IK: variants seen among roughly 807,000 people sequenced by gnomAD.
IK encodes IK cytokine, also known as protein Red.
A neutral mutation model predicts 90.9 loss-of-function variants in IK; 47 were observed. The ratio of observed to expected loss-of-function variants is 0.52; its 90% CI spans 0.41 to 0.66. The LOEUF is 0.66. IK is among the 30% of genes least tolerant of loss of function. IK has a pLI of 0.00. For missense variants in IK, 385 were observed against 709.3 expected, an observed-to-expected ratio of 0.54 and a Z score of 5.19; for synonymous variants, 201 against 227.5, an observed-to-expected ratio of 0.88 and a Z score of 1.05.
intron 5 of IK, among the ~76,000 whole-genome samples, chr5:140,653,582 C>T (rs1336279586): frequency 1.4e-5 from 2 of 144,864 alleles, no homozygotes; most frequent in Non-Finnish European, 1.5e-5. Context: ...CGCACCTGGC[C>T]CCCCAACCCC....
At chr5:140,653,215 C>A in intron 5 of IK, 71 bp downstream of exon 5, 1 of 1,363,602 alleles carries the variant, frequency 7.3e-7, no homozygotes, top group Non-Finnish European at 1.0e-6. Context: ...GTGAACTCTT[C>A]CTCTTACTTT....
At position 140,653,250 on chromosome 5, in the gene IK, G is replaced by A. The variant is rs1757644969; in HGVS notation, c.404+106G>A. The A allele has an allele frequency of 4.4e-6, 4 of 903,458 alleles. No individual in the cohort carries two copies. The South Asian group carries it at 6.0e-5, about 14-fold the overall frequency. 56.0% of individuals were successfully genotyped at this position (903,458 alleles called of 1,614,324 possible). ...TCCTGCCCTGGAGCCTACAATAAGC[G>A]ATTTCAGAGGCATTTGCCACCCACA... On this transcript the variant is annotated intron_variant, in intron 5 of 19. Transcript: ENST00000417647.
At position 140,659,761 on chromosome 5, in the gene IK, G is replaced by T; in HGVS notation, c.1201G>T (p.Gly401Trp). The T allele has an allele frequency of 6.3e-7, 1 of 1,590,798 alleles. No individual in the cohort carries two copies. Among genetic ancestry groups the T allele is most frequent in the Non-Finnish European group, 8.6e-7 (1 of 1,167,146 alleles). Residue 401 changes from glycine to tryptophan, a missense_variant, in exon 14 of 20, where the codon GGG becomes TGG. This residue lies in a region of IK where 139 missense variants were observed against 172.0 expected (regional missense o/e 0.81). Coordinates refer to ENST00000417647, the MANE Select transcript of IK (RefSeq NM_006083.4). ...TGAGTTCTCTTTTCTCCTAGGACCT[G>T]GGTCTACCAAGGAGTTGATCAAGTC... ...DEPMDVDKGP[G>W]STKELIKSIN...
At chr5:140,656,713 C>T (rs1321555692) in intron 9 of IK, among the ~76,000 whole-genome samples, 1 of 152,124 alleles carries the variant, frequency 6.6e-6, no homozygotes, top group Non-Finnish European at 1.5e-5. Flanking sequence ...ATAATAATCA[C>T]ATCATGGAAA....
Position 140,647,832 on chromosome 5 carries a change from C to G in IK, c.-77C>G, listed in dbSNP as rs992864035. Reference sequence around the variant, plus strand: ...CAGTGTGGGTTGATTCTGAGGTGCACTGTGGGAAAGAGCTTGTCGCTGCGG... The same window carrying G: ...CAGTGTGGGTTGATTCTGAGGTGCAGTGTGGGAAAGAGCTTGTCGCTGCGG... On this transcript the variant is annotated 5_prime_UTR_variant, in exon 1 of 20. Transcript: ENST00000417647. 4.5e-6 allele frequency: 7 copies of G among 1,570,772 alleles called. No individual in the cohort carries two copies. Among genetic ancestry groups the G allele is most frequent in the Admixed American group, 1.7e-5 (1 of 59,978 alleles).
intron 5 of IK, 35 bp downstream of exon 5, chr5:140,653,179 G>GTACTCACGCCT: frequency 6.3e-7 from 1 of 1,575,022 alleles, no homozygotes; most frequent in Non-Finnish European, 8.7e-7. Context: ...GGTTCCCTCA[G>GTACTCACGCCT]CATCCGAGAG....
chr5:140,654,393 T>C (rs575946056), intron 6 of IK, 123 bp from the exon 7 acceptor site: 3 of 783,944 alleles, frequency 3.8e-6, no homozygotes, highest in South Asian at 3.4e-5. Context: ...TAAGCTCCAT[T>C]AGAGTAAGAA....
In IK at chr5:140,655,963, C is replaced by T. The variant is rs1198846347; in HGVS notation, c.772C>T (p.Arg258Cys). 1.9e-5 allele frequency: 29 copies of T among 1,554,332 alleles called. No individual in the cohort carries two copies. The highest frequency in any genetic ancestry group is 3.9e-5 in the Admixed American group (2 of 51,158). The change falls in exon 9 of 20, where the codon CGC becomes TGC. Residue 258 changes from arginine (R) to cysteine (C), a missense_variant. This residue lies in a region of IK where 33 missense variants were observed against 86.1 expected (regional missense o/e 0.38). Transcript: ENST00000417647. ...CACAGATATCCCCACCACTCTTATC[C>T]GCAGCAAGGCTGATTGCCCCACCAT... ...ADTDIPTTLI[R>C]SKADCPTMEA...
Position 140,661,281 on chromosome 5 carries a change from T to C in IK, c.1414-339T>C, listed in dbSNP as rs1757799541. The C allele has an allele frequency of 6.7e-6, 2 of 296,802 alleles. No individual in the cohort carries two copies. The highest frequency in any genetic ancestry group is 1.3e-5 in the Non-Finnish European group (2 of 159,200). The allele number at this position is 296,802 out of a possible 1,614,324, so 18.4% of individuals were successfully genotyped here. A position where few individuals can be genotyped will look rare whatever the true frequency, so the allele number is the denominator to read the frequency against. On this transcript the variant is annotated intron_variant, in intron 16 of 19. Coordinates refer to ENST00000417647, the MANE Select transcript of IK (RefSeq NM_006083.4). This position sits in a 1 kb window ranked among gnomAD's most constrained non-coding sequence, Gnocchi z 4.2. Reference sequence around the variant, plus strand: ...GTATTGAAATAGCATGGTTTAATCTTGGAGCCTTGTTTAATCCTGCCTCTA... The same window carrying C: ...GTATTGAAATAGCATGGTTTAATCTCGGAGCCTTGTTTAATCCTGCCTCTA...
chr5:140,656,531 C>CTGATTGGTTTCCGCACTTCCACTCTGAT (rs10701589), intron 9 of IK, among the ~76,000 whole-genome samples: 2 of 151,508 alleles, frequency 1.3e-5, no homozygotes, highest in Non-Finnish European at 1.5e-5. Context: ...CACTTCCACT[C>CTGATTGGTTTCCGCACTTCCACTCTGAT]TGGTTTCCGC....
chr5:140,658,984 AC>A lies in IK; in HGVS notation c.998del (p.Pro333LeufsTer57). The part of the protein sequence containing the change: ...GDYVPSTTKT[P>X]RDKERERYRE... The stretch of plus-strand genomic sequence containing the variant: ...ATTACGTACCCTCCACAACCAAGAC[AC>A]CTCGGGACAAGGAGCGGGAGAGATA... On this transcript the variant is annotated frameshift_variant, in exon 12 of 20. Transcript: ENST00000417647. LOFTEE classifies it high-confidence loss of function. 1 of 1,613,886 alleles carries A rather than the reference AC, an allele frequency of 6.2e-7. No homozygotes were observed. Among genetic ancestry groups the A allele is most frequent in the Non-Finnish European group, 8.5e-7 (1 of 1,179,858 alleles).
chr5:140,655,519 G>C (rs1411809316), intron 8 of IK, among the ~76,000 whole-genome samples: 3 of 152,146 alleles, frequency 2.0e-5, no homozygotes. Context: ...TACAATACAG[G>C]TGCATAGTGC....
chr5:140,648,298 G>C (rs1757530699), intron 1 of IK, 173 bp from the exon 2 acceptor site: 4 of 726,782 alleles, frequency 5.5e-6, no homozygotes, highest in East Asian at 2.6e-5. Flanking sequence ...AGGGTCCTCT[G>C]CTTTGTGCTC....
chr5:140,655,688 T>C (rs1757697341), intron 8 of IK, 141 bp from the exon 9 acceptor site: 4 of 725,582 alleles, frequency 5.5e-6, no homozygotes, highest in Non-Finnish European at 4.5e-6. Context: ...GATAATAATA[T>C]CCACTTCATA....
At chr5:140,658,809 G>A in intron 11 of IK, 33 bp downstream of exon 11, 1 of 1,604,578 alleles carries the variant, frequency 6.2e-7, no homozygotes, top group Non-Finnish European at 8.5e-7. Flanking sequence ...TCTGATCAGA[G>A]GGAGGGGGTC....
chr5:140,662,303 G>T lies in IK; in HGVS notation c.1648G>T (p.Val550Phe). 6.2e-7 allele frequency: 1 copy of T among 1,613,982 alleles called. No homozygotes were observed. Among genetic ancestry groups the T allele is most frequent in the East Asian group, 2.2e-5 (1 of 44,890 alleles). ...GACCCATTTCTCCTTCCATTGCAGGGTTGAAGTCAAAAGACCAAAATACTA... is the reference window on the plus strand; with the variant it reads ...GACCCATTTCTCCTTCCATTGCAGGTTTGAAGTCAAAAGACCAAAATACTA... ...EKRKKMEADGVEVKRPKY is the reference protein window; with the variant it reads ...EKRKKMEADGFEVKRPKY Residue 550 changes from valine to phenylalanine, a missense_variant and splice_region_variant, in exon 20 of 20, where the codon GTT (valine) becomes TTT (phenylalanine). Transcript: ENST00000417647.
In IK at chr5:140,660,832, A is replaced by G; in HGVS notation, c.1413+17A>G. The G allele has an allele frequency of 3.1e-6, 5 of 1,602,690 alleles. No homozygotes were observed. The highest frequency in any genetic ancestry group is 4.3e-6 in the Non-Finnish European group (5 of 1,169,798). On this transcript the variant is annotated intron_variant, in intron 16 of 19. Transcript: ENST00000417647. The stretch of plus-strand genomic sequence containing the variant: ...ATGGACCAGGTATGTAGTTAGAAGG[A>G]TGGTGGGCGCCTTTGGGCAGTTATT...
intron 8 of IK, among the ~76,000 whole-genome samples, chr5:140,655,311 T>G (rs1332423009): frequency 1.3e-5 from 2 of 152,200 alleles, no homozygotes; most frequent in Non-Finnish European, 2.9e-5. Context: ...CAGCACTAAG[T>G]GTATGATTTT....
chr5:140,661,832 G>T lies in IK; in HGVS notation c.1503-67G>T. 3 of 1,469,936 alleles carry T rather than the reference G, an allele frequency of 2.0e-6. No individual in the cohort carries two copies. The South Asian group carries it at 3.6e-5, about 18-fold the overall frequency. The allele number at this position is 1,469,936 out of a possible 1,614,324, so 91.1% of individuals were successfully genotyped here. On this transcript the variant is annotated intron_variant, in intron 17 of 19. Transcript: ENST00000417647. This position sits in a 1 kb window ranked among gnomAD's most constrained non-coding sequence, Gnocchi z 4.2. ...TCCCCACTAAGTTCTTTGCCCACAG[G>T]ACTCTGGGAAAACCTCGCCACTGCT... is the stretch of plus-strand genomic sequence containing the variant.
Sources: gnomAD v4.1 joint callset for allele counts (sites outside exome capture counted in the v4.1 genomes callset) on GRCh38, gnomAD v4.1.1 for gene constraint, gnomAD v4.1.1 regional missense constraint, Gnocchi (gnomAD v3.1) non-coding constraint, MANE v1.5 for transcripts, NCBI Gene and HGNC (gene_info 2026-07-23, HGNC 2026-07-21) for gene names.